The following METTL16 variants were observed in gnomAD, a reference collection of about 807,000 sequenced individuals.
The protein encoded by METTL16 is RNA N(6)-adenosine-methyltransferase METTL16.
In METTL16, 19 loss-of-function variants were observed where a neutral mutation model predicts 57.9. That is an observed-to-expected ratio of 0.33 (90% confidence interval 0.23 to 0.48). The LOEUF (loss-of-function observed/expected upper bound fraction) is 0.48. METTL16 is among the 20% of genes least tolerant of loss of function. The probability of loss-of-function intolerance (pLI) is 0.99; values close to 1 mark genes in which losing one functional copy is unlikely to be tolerated. For synonymous variants in METTL16, 246 were observed against 255.6 expected, an observed-to-expected ratio of 0.96 and a Z score of 0.36; for missense variants, 434 against 691.5, an observed-to-expected ratio of 0.63 and a Z score of 4.18.
intron 2 of METTL16, among the ~76,000 whole-genome samples, chr17:2,492,987 C>T (rs2067412247): frequency 6.6e-6 from 1 of 151,652 alleles, no homozygotes; most frequent in South Asian, 2.1e-4. Flanking sequence ...TAGAAATGTC[C>T]CCTTTCCAAA....
chr17:2,497,249 G>A lies in METTL16; in HGVS notation c.128+4955C>T, dbSNP rs543907211. On this transcript the variant is annotated intron_variant, in intron 2 of 9. Transcript: ENST00000263092. ...TCGAACTCCTGACCTCAGGTGATCC[G>A]CCCACCTTGGCCTCCCAAAGTGCTG... Among the ~76,000 whole-genome samples, 11 of 145,184 alleles carry A rather than the reference G, an allele frequency of 7.6e-5. No homozygotes were observed. In the East Asian group the frequency reaches 1.8e-3, roughly 24 times the overall value.
rs1165755667 is a variant in METTL16 at position 2,467,109 on chromosome 17, A to G, written c.585+652T>C. Among the ~76,000 whole-genome samples the G allele has an allele frequency of 3.9e-5, 6 of 152,102 alleles. No individual in the cohort carries two copies. In the Middle Eastern group the frequency reaches 0.01, roughly 259 times the overall value. On this transcript the variant is annotated intron_variant, in intron 5 of 9. Coordinates refer to ENST00000263092, the MANE Select transcript of METTL16 (RefSeq NM_024086.4). ...TGTGAGTCACCGTGCAAGCTTCCCA[A>G]TGCTTTCAATGCATGGCTGGCTGAA...
intron 2 of METTL16, among the ~76,000 whole-genome samples, chr17:2,488,696 T>C (rs2067361641): frequency 6.6e-6 from 1 of 152,228 alleles, no homozygotes; most frequent in Admixed American, 6.5e-5. Context: ...ATGATTCTAC[T>C]TTAAGGTAAA....
intron 1 of METTL16, among the ~76,000 whole-genome samples, chr17:2,507,448 A>C (rs994043315): frequency 6.3e-5 from 9 of 142,710 alleles, no homozygotes; most frequent in Admixed American, 3.4e-4. Context: ...GGCCGCCCCT[A>C]CTGGGAAGTG....
At chr17:2,511,068 G>C (rs1250405444) in intron 1 of METTL16, among the ~76,000 whole-genome samples, 1 of 151,846 alleles carries the variant, frequency 6.6e-6, no homozygotes, top group African/African-American at 2.4e-5. Flanking sequence ...AACCACGATA[G>C]AACTCTTCCC....
At chr17:2,440,300 G>A (rs1015007386) in intron 7 of METTL16, among the ~76,000 whole-genome samples, 10 of 151,708 alleles carry the variant, frequency 6.6e-5, no homozygotes, top group African/African-American at 2.4e-4. Context: ...CCAGGCTGGA[G>A]TGCAGTGGCA....
chr17:2,432,526 G>A (rs1198780709), intron 8 of METTL16, among the ~76,000 whole-genome samples: 5 of 151,880 alleles, frequency 3.3e-5, no homozygotes, highest in Non-Finnish European at 7.4e-5. Context: ...CCGTGAGCGC[G>A]CCAATACATT....
chr17:2,459,440 C>G (rs2067133475), intron 6 of METTL16, among the ~76,000 whole-genome samples: 1 of 152,172 alleles, frequency 6.6e-6, no homozygotes, highest in Admixed American at 6.5e-5. Context: ...ATGAACCTCC[C>G]AGGGGAGGCG....
chr17:2,457,486 A>C (rs1465610632), intron 6 of METTL16, among the ~76,000 whole-genome samples: 1 of 151,996 alleles, frequency 6.6e-6, no homozygotes. Flanking sequence ...GCAGGCGGAT[A>C]ACCTGAGGTC....
rs903683281 is a variant in METTL16 at position 2,419,268 on chromosome 17, C to G, written c.*702G>C. 2.3e-5 allele frequency: 4 copies of G among 174,966 alleles called. No individual in the cohort carries two copies. The highest frequency in any genetic ancestry group is 9.5e-5 in the African/African-American group (4 of 41,954). The allele number at this position is 174,966 out of a possible 1,614,324, so 10.8% of individuals were successfully genotyped here. On this transcript the variant is annotated 3_prime_UTR_variant, in exon 10 of 10. Coordinates refer to ENST00000263092, the MANE Select transcript of METTL16 (RefSeq NM_024086.4). ...AACTGCTACAAAATGGTACTGTCAA[C>G]AGGCTGGAGGTGGGGGTATGGGTGC...
chr17:2,496,157 G>GA (rs982398823), intron 2 of METTL16, among the ~76,000 whole-genome samples: 3 of 150,982 alleles, frequency 2.0e-5, no homozygotes, highest in African/African-American at 7.4e-5. Context: ...CAAAAAAAAA[G>GA]AAAAAACATC....
At chr17:2,486,936 G>A (rs964364308) in intron 2 of METTL16, among the ~76,000 whole-genome samples, 4 of 149,498 alleles carry the variant, frequency 2.7e-5, no homozygotes, top group Non-Finnish European at 4.4e-5. Context: ...CCTGGGAGGT[G>A]GAGGCTGCAG....
chr17:2,429,994 G>T (rs2066859375), intron 8 of METTL16, among the ~76,000 whole-genome samples: 1 of 148,002 alleles, frequency 6.8e-6, no homozygotes, highest in Non-Finnish European at 1.5e-5. Context: ...TCTATTTTTA[G>T]TGGAGACGGG....
intron 8 of METTL16, among the ~76,000 whole-genome samples, chr17:2,424,764 T>C (rs1353612691): frequency 6.6e-6 from 1 of 151,758 alleles, no homozygotes; most frequent in Non-Finnish European, 1.5e-5. Context: ...CTGGACAATA[T>C]GGTGAAATCC....
chr17:2,444,067 A>G (rs540522173), intron 6 of METTL16, among the ~76,000 whole-genome samples: 2 of 151,576 alleles, frequency 1.3e-5, no homozygotes, highest in South Asian at 4.1e-4. Flanking sequence ...TATGTTAGTT[A>G]GTTTGATTGA....
rs556276033 is a variant in METTL16 at position 2,418,765 on chromosome 17, C to T, written c.*1205G>A. 1 of 152,416 alleles carries T rather than the reference C, an allele frequency of 6.6e-6. No homozygotes were observed. Among genetic ancestry groups the T allele is most frequent in the South Asian group, 2.1e-4 (1 of 4,832 alleles). The allele number at this position is 152,416 out of a possible 1,614,324, so 9.4% of individuals were successfully genotyped here. On this transcript the variant is annotated 3_prime_UTR_variant, in exon 10 of 10. Transcript: ENST00000263092. ...GCTTCCCGTCCTGACCAACAGCCAC[C>T]TCTCAGAAGGCTGGCTTAACTACTC... is the stretch of plus-strand genomic sequence containing the variant.
intron 6 of METTL16, among the ~76,000 whole-genome samples, chr17:2,458,560 A>G (rs1401697456): frequency 6.6e-6 from 1 of 152,048 alleles, no homozygotes. Flanking sequence ...AAAAATACAA[A>G]AATCAGCTGA....
chr17:2,424,905 G>A (rs1048102729), intron 8 of METTL16, among the ~76,000 whole-genome samples: 6 of 151,172 alleles, frequency 4.0e-5, no homozygotes, highest in Non-Finnish European at 5.9e-5. Context: ...CAGAGATCGC[G>A]CCACTGCACT....
intron 3 of METTL16, among the ~76,000 whole-genome samples, chr17:2,473,991 T>G (rs1278152623): frequency 6.6e-6 from 1 of 152,074 alleles, no homozygotes; most frequent in Non-Finnish European, 1.5e-5. Context: ...GGCTACTGGG[T>G]TCCCTAGTCA....
Sources: allele counts gnomAD v4.1 joint callset (sites outside exome capture counted in the v4.1 genomes callset), GRCh38; gene constraint gnomAD v4.1.1; transcripts MANE v1.5; gene names NCBI Gene and HGNC (gene_info 2026-07-23, HGNC 2026-07-21).